UBE2E3: variants seen among roughly 807,000 people sequenced by gnomAD.
UBE2E3 encodes ubiquitin-conjugating enzyme E2 E3.
UBE2E3 carries 5 observed loss-of-function variants against 23.6 expected under a neutral mutation model. The observed-to-expected ratio is 0.21, with a 90% CI of 0.11 to 0.44. The LOEUF is 0.44. UBE2E3 is among the 20% of genes least tolerant of loss of function. UBE2E3 has a pLI of 0.99. For missense variants in UBE2E3, 81 were observed against 249.8 expected, an observed-to-expected ratio of 0.32 and a Z score of 4.55; for synonymous variants, 78 against 87.5, an observed-to-expected ratio of 0.89 and a Z score of 0.60.
At chr2:180,996,764 T>G (rs1348978637) in intron 3 of UBE2E3, among the ~76,000 whole-genome samples, 4 of 152,210 alleles carry the variant, frequency 2.6e-5, no homozygotes, top group Non-Finnish European at 5.9e-5. Context: ...AGCATTACTT[T>G]GAGTAATATA....
chr2:181,039,616 CA>C (rs1686415199), intron 3 of UBE2E3, among the ~76,000 whole-genome samples: 1 of 151,646 alleles, frequency 6.6e-6, no homozygotes, highest in Non-Finnish European at 1.5e-5. Context: ...TACAAAAAAA[CA>C]AGTGTACAAA....
At chr2:181,041,476 C>T (rs999248484) in intron 3 of UBE2E3, among the ~76,000 whole-genome samples, 2 of 151,432 alleles carry the variant, frequency 1.3e-5, no homozygotes, top group African/African-American at 2.4e-5. Context: ...AGTCTCTCTC[C>T]GTCGCCCAGG....
chr2:181,015,507 A>G (rs1331860073), intron 3 of UBE2E3, among the ~76,000 whole-genome samples: 1 of 152,214 alleles, frequency 6.6e-6, no homozygotes, highest in Non-Finnish European at 1.5e-5. Flanking sequence ...AAGTGGTGAA[A>G]TAAATGATAA....
chr2:180,996,599 A>G (rs1684826282), intron 3 of UBE2E3, among the ~76,000 whole-genome samples: 1 of 152,142 alleles, frequency 6.6e-6, no homozygotes, highest in South Asian at 2.1e-4. Flanking sequence ...CTGCTGACTA[A>G]ATGCTATGTT....
chr2:181,035,195 A>T (rs988805721), intron 3 of UBE2E3, among the ~76,000 whole-genome samples: 1 of 152,148 alleles, frequency 6.6e-6, no homozygotes, highest in South Asian at 2.1e-4. Context: ...AACCTTTTGA[A>T]TTGTAAAAAG....
chr2:181,052,627 T>G (rs1197847242), intron 3 of UBE2E3, among the ~76,000 whole-genome samples: 1 of 140,416 alleles, frequency 7.1e-6, no homozygotes, highest in Non-Finnish European at 1.5e-5. Context: ...CTTTCACACA[T>G]TTTAACACCA....
chr2:181,029,833 C>T (rs974347990), intron 3 of UBE2E3, among the ~76,000 whole-genome samples: 17 of 144,004 alleles, frequency 1.2e-4, no homozygotes, highest in African/African-American at 4.1e-4. Flanking sequence ...TCAATTAATT[C>T]GGTCCCTTTT....
intron 3 of UBE2E3, among the ~76,000 whole-genome samples, chr2:181,016,640 CA>C (rs960159348): frequency 1.3e-5 from 2 of 152,132 alleles, no homozygotes; most frequent in Non-Finnish European, 2.9e-5. Context: ...ATTCTTTTTG[CA>C]AAGCATTAGT....
intron 3 of UBE2E3, among the ~76,000 whole-genome samples, chr2:180,993,325 T>C (rs1574161681): frequency 1.3e-5 from 2 of 152,334 alleles, no homozygotes; most frequent in East Asian, 1.9e-4. Flanking sequence ...AAAGGAACTG[T>C]GGTGTAGTCT....
chr2:181,058,214 G>A (rs529531579), intron 4 of UBE2E3, among the ~76,000 whole-genome samples: 14 of 151,732 alleles, frequency 9.2e-5, no homozygotes, highest in African/African-American at 2.9e-4. Context: ...CAGAAATAAG[G>A]GTTTAATAAT....
chr2:181,015,459 G>A (rs145022060), intron 3 of UBE2E3, among the ~76,000 whole-genome samples: 1 of 151,842 alleles, frequency 6.6e-6, no homozygotes, highest in Non-Finnish European at 1.5e-5. Flanking sequence ...TTGCAATAAA[G>A]ACTAACAAAA....
chr2:180,980,841 T>G lies in UBE2E3; in HGVS notation c.-158T>G, dbSNP rs1177696176. 1 of 147,774 alleles carries G rather than the reference T, an allele frequency of 6.8e-6. No homozygotes were observed. The highest frequency in any genetic ancestry group is 6.7e-5 in the Admixed American group (1 of 14,970). 9.2% of individuals were successfully genotyped at this position (147,774 alleles called of 1,614,324 possible). On this transcript the variant is annotated 5_prime_UTR_variant, in exon 1 of 6. Transcript: ENST00000410062. The surrounding 1 kb of genome is among the most constrained non-coding windows in gnomAD (Gnocchi z 5.5). ...TGTTCCACACTCCCCGGCCAGAGCC[T>G]CCTCGGCTTCTTTTTTTCCCTCCCC...
intron 3 of UBE2E3, among the ~76,000 whole-genome samples, chr2:181,047,185 TAATC>T (rs1686695846): frequency 1.3e-5 from 2 of 152,150 alleles, no homozygotes; most frequent in Admixed American, 1.3e-4. Context: ...TTCATGTAAT[TAATC>T]TCTCCTCTGC....
chr2:181,011,274 G>A (rs1428036685), intron 3 of UBE2E3, among the ~76,000 whole-genome samples: 1 of 151,984 alleles, frequency 6.6e-6, no homozygotes, highest in African/African-American at 2.4e-5. Context: ...CTTCTTTCTA[G>A]GATGCTGCTT....
chr2:181,040,846 T>G (rs1380650295), intron 3 of UBE2E3, among the ~76,000 whole-genome samples: 1 of 152,214 alleles, frequency 6.6e-6, no homozygotes, highest in Non-Finnish European at 1.5e-5. Context: ...AGTTAGACTG[T>G]GCAGTAAATG....
At chr2:181,014,233 G>A (rs892112117) in intron 3 of UBE2E3, among the ~76,000 whole-genome samples, 4 of 152,054 alleles carry the variant, frequency 2.6e-5, no homozygotes, top group Admixed American at 2.6e-4. Flanking sequence ...GGTGGGTGGG[G>A]GAACATTTTA....
Position 180,980,868 on chromosome 2 carries a change from C to A in UBE2E3, c.-131C>A, listed in dbSNP as rs576942719. The A allele has an allele frequency of 1.3e-5, 2 of 149,864 alleles. No individual in the cohort carries two copies. Among genetic ancestry groups the A allele is most frequent in the South Asian group, 4.0e-4 (2 of 5,028 alleles). 9.3% of individuals were successfully genotyped at this position (149,864 alleles called of 1,614,324 possible). A position where few individuals can be genotyped will look rare whatever the true frequency, so the allele number is the denominator to read the frequency against. The stretch of plus-strand genomic sequence containing the variant: ...CTCGGCTTCTTTTTTTCCCTCCCCC[C>A]CCTTCCCCCCCCCACAGCTGCCTCC... On this transcript the variant is annotated 5_prime_UTR_variant, in exon 1 of 6. Transcript: ENST00000410062. This position sits in a 1 kb window ranked among gnomAD's most constrained non-coding sequence, Gnocchi z 5.5.
intron 3 of UBE2E3, among the ~76,000 whole-genome samples, chr2:180,991,069 A>G (rs1684639168): frequency 6.6e-6 from 1 of 152,222 alleles, no homozygotes; most frequent in South Asian, 2.1e-4. Flanking sequence ...AATAAGTGGA[A>G]GCTACAAATA....
chr2:181,019,011 T>G (rs1353442722), intron 3 of UBE2E3, among the ~76,000 whole-genome samples: 1 of 152,196 alleles, frequency 6.6e-6, no homozygotes, highest in Non-Finnish European at 1.5e-5. Context: ...TCGCCCAGGC[T>G]GGAGGGCAGT....
Sources: allele counts gnomAD v4.1 joint callset (sites outside exome capture counted in the v4.1 genomes callset), GRCh38; gene constraint gnomAD v4.1.1; non-coding constraint Gnocchi (gnomAD v3.1); transcripts MANE v1.5; gene names NCBI Gene and HGNC (gene_info 2026-07-23, HGNC 2026-07-21).